The following SLC24A2 variants were observed in gnomAD, a reference collection of about 807,000 sequenced individuals.
The protein encoded by SLC24A2 is solute carrier family 24 member 2.
SLC24A2 carries 36 observed loss-of-function variants against 62.0 expected under a neutral mutation model. The ratio of observed to expected loss-of-function variants is 0.58; its 90% CI spans 0.44 to 0.77. SLC24A2 has a LOEUF of 0.77. Ranked by LOEUF, SLC24A2 falls within the 30% of genes least tolerant of loss-of-function variation. The pLI is 0.00. For synonymous variants in SLC24A2, 358 were observed against 294.0 expected (o/e 1.22, Z -2.23); for missense variants, 846 against 817.9 (o/e 1.03, Z -0.42).
chr9:20,067,761 C>T, the SLC24A2 span, among the ~76,000 whole-genome samples: 13 of 152,196 alleles, frequency 8.5e-5, 1 homozygote, highest in African/African-American at 2.9e-4. Context: ...GTATATGTAC[C>T]ACATTTTCTT....
At chr9:19,561,112 T>G (rs920029524) in intron 7 of SLC24A2, among the ~76,000 whole-genome samples, 71 of 151,360 alleles carry the variant, frequency 4.7e-4, no homozygotes, top group African/African-American at 1.6e-3. Context: ...GTATTTTTAG[T>G]AGAGGTGGGT....
At chr9:19,747,324 T>C (rs1032530405) in intron 2 of SLC24A2, among the ~76,000 whole-genome samples, 13 of 152,166 alleles carry the variant, frequency 8.5e-5, no homozygotes, top group African/African-American at 2.2e-4. Context: ...TATATACATA[T>C]ACAGGTATGT....
chr9:19,932,488 T>C, the SLC24A2 span, among the ~76,000 whole-genome samples: 1 of 152,188 alleles, frequency 6.6e-6, no homozygotes, highest in South Asian at 2.1e-4. Flanking sequence ...GGTGGGGAAA[T>C]ATCTATTAAA....
At chr9:19,934,295 C>A in the SLC24A2 span, among the ~76,000 whole-genome samples, 25 of 152,340 alleles carry the variant, frequency 1.6e-4, no homozygotes, top group African/African-American at 5.8e-4. The surrounding 1 kb of genome is among the most constrained non-coding windows in gnomAD (Gnocchi z 4.1). Flanking sequence ...TATCCGTCCC[C>A]TTCCCAACAG....
the SLC24A2 span, among the ~76,000 whole-genome samples, chr9:20,002,162 C>G: frequency 6.6e-6 from 1 of 152,092 alleles, no homozygotes; most frequent in African/African-American, 2.4e-5. Flanking sequence ...CTGCTTGTCA[C>G]CACAAGATTT....
At chr9:20,304,967 G>A in the SLC24A2 span, among the ~76,000 whole-genome samples, 2 of 151,956 alleles carry the variant, frequency 1.3e-5, no homozygotes. Context: ...ATCATACCAT[G>A]CCTCTATCCA....
chr9:19,992,352 T>A, the SLC24A2 span, among the ~76,000 whole-genome samples: 1 of 152,222 alleles, frequency 6.6e-6, no homozygotes, highest in African/African-American at 2.4e-5. Flanking sequence ...GTCTGTTTGC[T>A]TGCTATGTGT....
chr9:19,889,199 G>C, the SLC24A2 span, among the ~76,000 whole-genome samples: 862 of 152,228 alleles, frequency 5.7e-3, 21 homozygotes, highest in East Asian at 0.073. Flanking sequence ...ATTTACACTG[G>C]GAAGGATATT....
the SLC24A2 span, among the ~76,000 whole-genome samples, chr9:20,262,698 C>G: frequency 6.6e-6 from 1 of 152,210 alleles, no homozygotes; most frequent in African/African-American, 2.4e-5. Flanking sequence ...AAACCATCGG[C>G]TGAATTTGTT....
At chr9:19,637,292 G>T (rs770716970) in intron 2 of SLC24A2, among the ~76,000 whole-genome samples, 1 of 152,252 alleles carries the variant, frequency 6.6e-6, no homozygotes, top group African/African-American at 2.4e-5. Flanking sequence ...ACTCTATTCA[G>T]TGGGCAGAGA....
the SLC24A2 span, among the ~76,000 whole-genome samples, chr9:19,947,735 G>A: frequency 6.9e-6 from 1 of 145,026 alleles, no homozygotes; most frequent in South Asian, 2.2e-4. Context: ...AGCTTGCAGT[G>A]AGCTGAGATC....
At chr9:20,293,835 C>T in the SLC24A2 span, among the ~76,000 whole-genome samples, 1 of 152,148 alleles carries the variant, frequency 6.6e-6, no homozygotes, top group African/African-American at 2.4e-5. Flanking sequence ...ACAATGTCCA[C>T]TCCCACCCCC....
At chr9:20,261,957 C>CACCAGG in the SLC24A2 span, among the ~76,000 whole-genome samples, 8 of 151,986 alleles carry the variant, frequency 5.3e-5, no homozygotes, top group Non-Finnish European at 1.0e-4. Flanking sequence ...TCAGGATGGT[C>CACCAGG]TTGATCTCCT....
intron 2 of SLC24A2, among the ~76,000 whole-genome samples, chr9:19,764,379 T>C (rs1425495490): frequency 6.6e-6 from 1 of 152,222 alleles, no homozygotes; most frequent in Non-Finnish European, 1.5e-5. Context: ...CTCTAGTTCT[T>C]TTAACTGTGA....
the SLC24A2 span, among the ~76,000 whole-genome samples, chr9:19,846,636 T>C: frequency 3.3e-5 from 5 of 152,172 alleles, no homozygotes; most frequent in Non-Finnish European, 7.3e-5. Context: ...TACAAAGTTG[T>C]TAGCTGGTTG....
chr9:20,261,356 G>C, the SLC24A2 span, among the ~76,000 whole-genome samples: 3 of 152,182 alleles, frequency 2.0e-5, no homozygotes, highest in African/African-American at 7.2e-5. Context: ...CTGACATCTA[G>C]TGAGGGCCTT....
chr9:20,191,116 C>A, the SLC24A2 span, among the ~76,000 whole-genome samples: 2 of 151,040 alleles, frequency 1.3e-5, no homozygotes, highest in African/African-American at 4.9e-5. Context: ...CACTTAGGGT[C>A]ATAAAATTGG....
At chr9:19,610,843 T>C (rs1246035231) in intron 4 of SLC24A2, among the ~76,000 whole-genome samples, 1 of 152,220 alleles carries the variant, frequency 6.6e-6, no homozygotes, top group Non-Finnish European at 1.5e-5. Context: ...AGAAAAATTA[T>C]AAAGGCAAGT....
intron 7 of SLC24A2, among the ~76,000 whole-genome samples, chr9:19,563,298 G>A (rs1036371905): frequency 1.3e-5 from 2 of 152,040 alleles, no homozygotes; most frequent in East Asian, 1.9e-4. Flanking sequence ...CTTCACTGAT[G>A]TTCCAGGAGA....
Sources: gnomAD v4.1 joint callset for allele counts (sites outside exome capture counted in the v4.1 genomes callset) on GRCh38, gnomAD v4.1.1 for gene constraint, Gnocchi (gnomAD v3.1) non-coding constraint, MANE v1.5 for transcripts, NCBI Gene and HGNC (gene_info 2026-07-23, HGNC 2026-07-21) for gene names.